The following ZNF641 variants were observed in gnomAD, a reference collection of about 807,000 sequenced individuals.
ZNF641 encodes zinc finger protein 641.
In ZNF641, 26 loss-of-function variants were observed where a neutral mutation model predicts 46.2. That is an observed-to-expected ratio of 0.56 (90% CI 0.41 to 0.78). ZNF641 has a LOEUF of 0.78. ZNF641 is among the 30% of genes least tolerant of loss of function. ZNF641 has a pLI of 0.00. For missense variants in ZNF641, 469 were observed against 517.8 expected, an observed-to-expected ratio of 0.91 and a Z score of 0.91; for synonymous variants, 163 against 187.9, an observed-to-expected ratio of 0.87 and a Z score of 1.09.
intron 1 of ZNF641, among the ~76,000 whole-genome samples, chr12:48,348,826 A>G (rs1952952983): frequency 6.6e-6 from 1 of 152,260 alleles, no homozygotes; most frequent in Non-Finnish European, 1.5e-5. Context: ...TTAATCAGGA[A>G]AAGTAAAAAG....
In ZNF641 at chr12:48,342,752, G is replaced by T; in HGVS notation, c.*221C>A. 2.2e-6 allele frequency: 3 copies of T among 1,374,472 alleles called. No homozygotes were observed. Among genetic ancestry groups the T allele is most frequent in the Non-Finnish European group, 2.8e-6 (3 of 1,058,076 alleles). The allele number at this position is 1,374,472 out of a possible 1,614,324, so 85.1% of individuals were successfully genotyped here. On this transcript the variant is annotated 3_prime_UTR_variant, in exon 6 of 6. Transcript: ENST00000547026. ...GGCTGAATATCAGCCCATGTAGGAT[G>T]CATTGCTTCCCAAAAGTTTTGCCCA...
At chr12:48,346,037 G>A (rs985956067) in intron 3 of ZNF641, among the ~76,000 whole-genome samples, 1 of 151,892 alleles carries the variant, frequency 6.6e-6, no homozygotes, top group Non-Finnish European at 1.5e-5. Flanking sequence ...CCAAGTAGCT[G>A]GAATTACAGG....
Position 48,339,894 on chromosome 12 carries a change from A to G in ZNF641, c.*3079T>C, listed in dbSNP as rs1271795819. On this transcript the variant is annotated 3_prime_UTR_variant, in exon 6 of 6. Transcript: ENST00000547026. ...CTAACACTTTCGGTTACAGTCTCCT[A>G]TGCAAGGGATTCTTTGAAAGATACT... 5 of 975,184 alleles carry G rather than the reference A, an allele frequency of 5.1e-6. No homozygotes were observed. Among genetic ancestry groups the G allele is most frequent in the Non-Finnish European group, 6.1e-6 (5 of 820,526 alleles). 60.4% of individuals were successfully genotyped at this position (975,184 alleles called of 1,614,324 possible).
At chr12:48,345,602 C>CCTT in intron 3 of ZNF641, 128 bp from the exon 4 acceptor site, 1 of 1,167,324 alleles carries the variant, frequency 8.6e-7, no homozygotes, top group Non-Finnish European at 1.2e-6. Flanking sequence ...CCCAGAAGTC[C>CCTT]CTGGGTAGGG....
chr12:48,344,424 A>G (rs574152119), intron 5 of ZNF641, 175 bp downstream of exon 5: 126 of 455,790 alleles, frequency 2.8e-4, no homozygotes, highest in Non-Finnish European at 4.4e-4. Context: ...CCAGAATTCA[A>G]ATCCACAAAG....
chr12:48,346,347 T>C (rs1392897942), intron 3 of ZNF641, among the ~76,000 whole-genome samples: 1 of 152,152 alleles, frequency 6.6e-6, no homozygotes, highest in African/African-American at 2.4e-5. Context: ...ATCTGTAAAA[T>C]TGGATAACTG....
At chr12:48,349,266 A>C (rs1952965544) in intron 1 of ZNF641, among the ~76,000 whole-genome samples, 1 of 152,288 alleles carries the variant, frequency 6.6e-6, no homozygotes, top group Middle Eastern at 3.4e-3. Flanking sequence ...TTCTTTAGAC[A>C]ACTTAAGAGC....
Position 48,339,849 on chromosome 12 carries a change from G to A in ZNF641, c.*3124C>T, listed in dbSNP as rs945104781. On this transcript the variant is annotated 3_prime_UTR_variant, in exon 6 of 6. Transcript: ENST00000547026. ...CACAATTAGAACTAAGGCGTAAAGT[G>A]TAAATAGCCTGGTGAAAAGCTAACA... The A allele has an allele frequency of 7.0e-6, 6 of 856,618 alleles. No individual in the cohort carries two copies. In the Admixed American group the frequency reaches 3.1e-4, roughly 44 times the overall value. 53.1% of individuals were successfully genotyped at this position (856,618 alleles called of 1,614,324 possible). A position where few individuals can be genotyped will look rare whatever the true frequency, so the allele number is the denominator to read the frequency against.
rs566958614 is a variant in ZNF641, at chr12:48,339,527, A to C, written c.*3446T>G. Reference sequence around the variant, plus strand: ...CACAGTTTGGTATGGCTCACAAGGGAAAAGAGGAAAATTTTGCTAGCTCAG... The same window carrying C: ...CACAGTTTGGTATGGCTCACAAGGGCAAAGAGGAAAATTTTGCTAGCTCAG... On this transcript the variant is annotated 3_prime_UTR_variant, in exon 6 of 6. Transcript: ENST00000547026. 6.6e-6 allele frequency: 1 copy of C among 152,132 alleles called. No individual in the cohort carries two copies. The highest frequency in any genetic ancestry group is 1.5e-5 in the Non-Finnish European group (1 of 68,024). 9.4% of individuals were successfully genotyped at this position (152,132 alleles called of 1,614,324 possible).
chr12:48,349,942 C>T, intron 1 of ZNF641: 1 of 1,398,590 alleles, frequency 7.2e-7, no homozygotes, highest in Non-Finnish European at 1.0e-6. Context: ...AATGGGAAGC[C>T]TCTTTGTGCA....
downstream of ZNF641, among the ~76,000 whole-genome samples, chr12:48,336,618 C>T (rs1215046701): frequency 6.6e-6 from 1 of 152,126 alleles, no homozygotes; most frequent in Admixed American, 6.5e-5. Flanking sequence ...ACCCTACCTC[C>T]ACACCTGCTT....
At position 48,343,093 on chromosome 12, in the gene ZNF641, G is replaced by C; in HGVS notation, c.1155C>G (p.Pro385=). ...TCTTCTCACAGCGAGGGCACTGGAA[G>C]GGCTTCTCCCCAGTGTGGGTCAGCC... ...RHWLTHTGEK[P]FQCPRCEKSF... is the part of the protein sequence containing the mutation. The change falls in exon 6 of 6, where the codon CCC becomes CCG. Residue 385 remains proline (P), a synonymous_variant. Coordinates refer to ENST00000547026, the MANE Select transcript of ZNF641 (RefSeq NM_001172681.2). 6.2e-7 allele frequency: 1 copy of C among 1,614,260 alleles called. No homozygotes were observed.
At chr12:48,350,973 G>A (rs111989596), upstream of ZNF641, 23,505 of 494,594 alleles carry the variant, frequency 0.048, 1,474 homozygotes, top group East Asian at 0.38. Flanking sequence ...GGGGCTCTGC[G>A]GCGGCGGAGG....
intron 3 of ZNF641, 21 bp downstream of exon 3, chr12:48,347,231 G>T (rs771491910): frequency 1.9e-6 from 3 of 1,613,640 alleles, no homozygotes; most frequent in African/African-American, 2.7e-5. Context: ...CACAGGAGAC[G>T]CCAAGGGAAG....
In ZNF641 at chr12:48,342,474, A is replaced by C; in HGVS notation, c.*499T>G. 1.0e-6 allele frequency: 1 copy of C among 970,158 alleles called. No homozygotes were observed. The highest frequency in any genetic ancestry group is 1.2e-6 in the Non-Finnish European group (1 of 814,630). The allele number at this position is 970,158 out of a possible 1,614,324, so 60.1% of individuals were successfully genotyped here. A position where few individuals can be genotyped will look rare whatever the true frequency, so the allele number is the denominator to read the frequency against. On this transcript the variant is annotated 3_prime_UTR_variant, in exon 6 of 6. Transcript: ENST00000547026. Reference sequence around the variant, plus strand: ...CCAGTTCTGTGGGATGTAAATAGAAAGGATACTGAGGTCAAATACATTTAG... The same window carrying C: ...CCAGTTCTGTGGGATGTAAATAGAACGGATACTGAGGTCAAATACATTTAG...
chr12:48,336,165 T>C (rs1952602976), downstream of ZNF641, among the ~76,000 whole-genome samples: 1 of 152,214 alleles, frequency 6.6e-6, no homozygotes, highest in East Asian at 1.9e-4. Context: ...ATCCAAATGT[T>C]CAAGAGCCTA....
rs750003745 is a variant in ZNF641 at position 48,344,744 on chromosome 12, A to G, written c.407-32T>C. 27 of 1,318,612 alleles carry G rather than the reference A, an allele frequency of 2.0e-5. No individual in the cohort carries two copies. The South Asian group carries it at 2.6e-4, about 13-fold the overall frequency. The allele number at this position is 1,318,612 out of a possible 1,614,324, so 81.7% of individuals were successfully genotyped here. A position where few individuals can be genotyped will look rare whatever the true frequency, so the allele number is the denominator to read the frequency against. On this transcript the variant is annotated intron_variant, in intron 4 of 5. Coordinates refer to ENST00000547026, the MANE Select transcript of ZNF641 (RefSeq NM_001172681.2). ...ATGGGAAAGGAAAATAGAGCTGTCA[A>G]TTAGTTCAACAGCAATTCTATATTT...
At chr12:48,335,252 A>C (rs1056868039), downstream of ZNF641, among the ~76,000 whole-genome samples, 1 of 151,952 alleles carries the variant, frequency 6.6e-6, no homozygotes. Flanking sequence ...AGTAAATTCT[A>C]CTCTGCCTTA....
chr12:48,336,480 A>C (rs1220728963), downstream of ZNF641, among the ~76,000 whole-genome samples: 2 of 152,212 alleles, frequency 1.3e-5, no homozygotes, highest in East Asian at 3.9e-4. Context: ...TCCCCTAAGC[A>C]ATAGGCTTGA....
Sources: allele counts gnomAD v4.1 joint callset (sites outside exome capture counted in the v4.1 genomes callset), GRCh38; gene constraint gnomAD v4.1.1; transcripts MANE v1.5; gene names NCBI Gene and HGNC (gene_info 2026-07-23, HGNC 2026-07-21).